Variants in OPRK1 observed in about 807,000 individuals in gnomAD.
OPRK1 encodes the protein kappa-type opioid receptor.
OPRK1 carries 15 observed loss-of-function variants against 24.5 expected under a neutral mutation model. That is an observed-to-expected ratio of 0.61 (90% CI 0.41 to 0.94). OPRK1 has a LOEUF of 0.94. Ranked by LOEUF, OPRK1 falls within the 40% of genes least tolerant of loss-of-function variation. The probability of loss-of-function intolerance (pLI) is 0.00; values close to 1 mark genes in which losing one functional copy is unlikely to be tolerated. For missense variants in OPRK1, 479 were observed against 507.3 expected, an observed-to-expected ratio of 0.94 and a Z score of 0.54; for synonymous variants, 205 against 198.0, an observed-to-expected ratio of 1.04 and a Z score of -0.30.
intron 1 of OPRK1, 157 bp downstream of exon 1, chr8:53,251,291 T>C (rs919583610): frequency 4.0e-5 from 22 of 545,482 alleles, no homozygotes; most frequent in South Asian, 4.0e-4. Context: ...GCTCGCTCCT[T>C]CTCCCCCAGC....
chr8:53,233,417 A>G (rs1479837673), intron 3 of OPRK1, among the ~76,000 whole-genome samples: 1 of 152,194 alleles, frequency 6.6e-6, no homozygotes, highest in Non-Finnish European at 1.5e-5. Flanking sequence ...ACCTAACTAG[A>G]TTAAGTCTAA....
rs766646260 is a variant in OPRK1, at chr8:53,229,319, T to C, written c.1121A>G (p.Asp374Gly). 1.2e-6 allele frequency: 2 copies of C among 1,613,942 alleles called. No individual in the cohort carries two copies. Among genetic ancestry groups the C allele is most frequent in the East Asian group, 4.5e-5 (2 of 44,884 alleles). The change falls in exon 4 of 4, where the codon GAT (aspartate) becomes GGT (glycine). Residue 374 changes from aspartate (D) to glycine (G), a missense_variant. Coordinates refer to ENST00000265572, the MANE Select transcript of OPRK1 (RefSeq NM_000912.5). ...VQDPAYLRDI[D>G]GMNKPV ...TAGTCATACTGGTTTATTCATCCCA[T>C]CGATGTCCCTCAGGTAAGCAGGATC...
intron 2 of OPRK1, among the ~76,000 whole-genome samples, chr8:53,237,219 CA>C (rs1391473515): frequency 1.3e-5 from 2 of 152,216 alleles, no homozygotes; most frequent in East Asian, 3.9e-4. Context: ...CATATTTACC[CA>C]GTTCAGCTTA....
Position 53,250,841 on chromosome 8 carries a change from T to C in OPRK1, c.197A>G (p.Tyr66Cys). Residue 66 changes from tyrosine to cysteine, a missense_variant, in exon 2 of 4, where the codon TAC (tyrosine) becomes TGC (cysteine). Coordinates refer to ENST00000265572, the MANE Select transcript of OPRK1 (RefSeq NM_000912.5). ...CAAGCCCACGACGAACACTACGGAG[T>C]AGACCGCCGTGATGATGACCGGGAT... is the stretch of plus-strand genomic sequence containing the variant. Reference protein sequence around the residue: ...PAIPVIITAVYSVVFVVGLVG... With the variant: ...PAIPVIITAVCSVVFVVGLVG... 1 of 1,612,320 alleles carries C rather than the reference T, an allele frequency of 6.2e-7. No homozygotes were observed. The highest frequency in any genetic ancestry group is 8.5e-7 in the Non-Finnish European group (1 of 1,179,446).
chr8:53,240,164 T>C (rs376337440), intron 2 of OPRK1, among the ~76,000 whole-genome samples: 97 of 152,272 alleles, frequency 6.4e-4, no homozygotes, highest in African/African-American at 2.2e-3. Context: ...TTGTGGAATT[T>C]TTCCATAGGC....
At chr8:53,238,026 T>A (rs1807033256) in intron 2 of OPRK1, among the ~76,000 whole-genome samples, 2 of 152,190 alleles carry the variant, frequency 1.3e-5, no homozygotes, top group African/African-American at 4.8e-5. Context: ...AAACTCTGAA[T>A]TCAATGAATA....
intron 2 of OPRK1, among the ~76,000 whole-genome samples, chr8:53,249,423 A>C (rs1411892400): frequency 6.6e-6 from 1 of 152,184 alleles, no homozygotes; most frequent in Non-Finnish European, 1.5e-5. Flanking sequence ...CAAACAATTT[A>C]ATTTTAAAAT....
chr8:53,240,949 TTAATA>T (rs1362558629), intron 2 of OPRK1, among the ~76,000 whole-genome samples: 3 of 152,174 alleles, frequency 2.0e-5, no homozygotes, highest in Admixed American at 1.3e-4. Context: ...TTGTGCATGT[TTAATA>T]TATGTAATTT....
chr8:53,234,531 C>G (rs80324022), intron 3 of OPRK1, among the ~76,000 whole-genome samples: 7,837 of 152,190 alleles, frequency 0.051, 301 homozygotes, highest in East Asian at 0.17. Context: ...GAATGGGAGA[C>G]AGGTCGGGCA....
Position 53,229,031 on chromosome 8 carries a change from T to C in OPRK1, c.*266A>G. On this transcript the variant is annotated 3_prime_UTR_variant, in exon 4 of 4. Coordinates refer to ENST00000265572, the MANE Select transcript of OPRK1 (RefSeq NM_000912.5). ...TAGCAAACCAGAAGGAAAAGACCTG[T>C]TCCCTTGTTCATCAGAGGAACTGAG... 2.7e-6 allele frequency: 1 copy of C among 374,552 alleles called. No individual in the cohort carries two copies. 23.2% of individuals were successfully genotyped at this position (374,552 alleles called of 1,614,324 possible). A position where few individuals can be genotyped will look rare whatever the true frequency, so the allele number is the denominator to read the frequency against.
rs2128807394 is a variant in OPRK1 at position 53,228,813 on chromosome 8, T to C, written c.*484A>G. ...ACATGAAATGCATGTCCACACAGCATACAGTGAGCTGGGCATGAACCCTGG... is the reference window on the plus strand; with the variant it reads ...ACATGAAATGCATGTCCACACAGCACACAGTGAGCTGGGCATGAACCCTGG... On this transcript the variant is annotated 3_prime_UTR_variant, in exon 4 of 4. Transcript: ENST00000265572. 6.4e-6 allele frequency: 1 copy of C among 157,058 alleles called. No individual in the cohort carries two copies. The allele number at this position is 157,058 out of a possible 1,614,324, so 9.7% of individuals were successfully genotyped here.
chr8:53,246,431 A>G (rs1807229958), intron 2 of OPRK1, among the ~76,000 whole-genome samples: 1 of 152,210 alleles, frequency 6.6e-6, no homozygotes, highest in Non-Finnish European at 1.5e-5. Flanking sequence ...CAGGAGGATG[A>G]AGGACATTAG....
chr8:53,234,446 T>C (rs1806937549), intron 3 of OPRK1, among the ~76,000 whole-genome samples: 1 of 152,108 alleles, frequency 6.6e-6, no homozygotes, highest in Non-Finnish European at 1.5e-5. Context: ...ACTTGCCAGG[T>C]TGTACTTTAA....
chr8:53,250,719 G>C (rs1807356369), intron 2 of OPRK1, 62 bp downstream of exon 2: 1 of 1,489,230 alleles, frequency 6.7e-7, no homozygotes, highest in South Asian at 1.3e-5. Flanking sequence ...CTCCAGTGGC[G>C]GGGCCTGACC....
At chr8:53,249,728 TAATA>T (rs1283330250) in intron 2 of OPRK1, among the ~76,000 whole-genome samples, 1 of 152,206 alleles carries the variant, frequency 6.6e-6, no homozygotes, top group African/African-American at 2.4e-5. Context: ...TTAAAGTTCA[TAATA>T]AATAAATGGC....
intron 2 of OPRK1, among the ~76,000 whole-genome samples, chr8:53,238,916 A>T (rs6988508): frequency 0.049 from 7,410 of 152,300 alleles, 225 homozygotes; most frequent in African/African-American, 0.08. Context: ...TTGGATTATT[A>T]GCATGCTTTG....
intron 2 of OPRK1, among the ~76,000 whole-genome samples, chr8:53,241,806 C>T (rs548526472): frequency 3.3e-5 from 5 of 152,188 alleles, no homozygotes; most frequent in Admixed American, 2.0e-4. Flanking sequence ...CACAGCCCCG[C>T]GCAGGTGCAG....
In OPRK1 at chr8:53,234,138, C is replaced by T. The variant is rs1039542475; in HGVS notation, c.610+621G>A. 7.0e-5 allele frequency among the ~76,000 whole-genome samples: 10 copies of T among 143,132 alleles called. No homozygotes were observed. The South Asian group carries it at 1.3e-3, about 19-fold the overall frequency. 93.9% of individuals were successfully genotyped at this position (143,132 alleles called of 152,430 possible). On this transcript the variant is annotated intron_variant, in intron 3 of 3. Transcript: ENST00000265572. ...GGCAGAGGTTGCAGTGAGCCGATAT[C>T]GCGCCACTGCACTCTAGCCTGGCAA...
intron 2 of OPRK1, among the ~76,000 whole-genome samples, chr8:53,248,039 C>T (rs1585524448): frequency 8.2e-6 from 1 of 121,454 alleles, no homozygotes; most frequent in East Asian, 2.8e-4. Context: ...GGGTCACACC[C>T]ACATTCACAC....
Sources: allele counts gnomAD v4.1 joint callset (sites outside exome capture counted in the v4.1 genomes callset), GRCh38; gene constraint gnomAD v4.1.1; transcripts MANE v1.5; gene names NCBI Gene and HGNC (gene_info 2026-07-23, HGNC 2026-07-21).